The following ZNF430 variants were observed in gnomAD, a reference collection of about 807,000 sequenced individuals.
The protein encoded by ZNF430 is zinc finger protein 430.
Under a neutral mutation model 56.7 loss-of-function variants are expected in ZNF430, and 35 were observed. The observed-to-expected ratio is 0.62, with a 90% CI of 0.47 to 0.82. The LOEUF (loss-of-function observed/expected upper bound fraction) is 0.82, where lower values mean the gene tolerates loss of function less well. Ranked by LOEUF, ZNF430 falls within the 40% of genes least tolerant of loss-of-function variation. The probability of loss-of-function intolerance (pLI) is 0.00; values close to 1 mark genes in which losing one functional copy is unlikely to be tolerated. For synonymous variants in ZNF430, 212 were observed against 224.3 expected, an observed-to-expected ratio of 0.94 and a Z score of 0.49; for missense variants, 574 against 661.0, an observed-to-expected ratio of 0.87 and a Z score of 1.44.
At chr19:21,024,594 A>G (rs1331060660) in intron 2 of ZNF430, among the ~76,000 whole-genome samples, 1 of 152,014 alleles carries the variant, frequency 6.6e-6, no homozygotes. Flanking sequence ...CCTGGCTAAC[A>G]TGGTGAAACC....
intron 4 of ZNF430, among the ~76,000 whole-genome samples, chr19:21,051,522 C>T (rs1426377190): frequency 6.6e-6 from 1 of 152,180 alleles, no homozygotes; most frequent in Non-Finnish European, 1.5e-5. Flanking sequence ...TTGAGACAGT[C>T]TCACTTTGTC....
At position 21,056,790 on chromosome 19, in the gene ZNF430, G is replaced by T; in HGVS notation, c.482G>T (p.Cys161Phe). The change falls in exon 5 of 5, where the codon TGT becomes TTT. Residue 161 changes from cysteine (C) to phenylalanine (F), a missense_variant. Cys to Phe is a radical substitution (Grantham distance 205, BLOSUM62 -2). Transcript: ENST00000261560. ...GATGAGTGTAATCTGCACAAAGAAT[G>T]TTATGATGAACTAAACCAGTGTTTG... ...SVDECNLHKECYDELNQCLTT... is the reference protein window; with the variant it reads ...SVDECNLHKEFYDELNQCLTT... 6.2e-7 allele frequency: 1 copy of T among 1,613,946 alleles called. No homozygotes were observed. Among genetic ancestry groups the T allele is most frequent in the East Asian group, 2.2e-5 (1 of 44,836 alleles).
At chr19:21,039,065 T>C (rs1179704215) in intron 4 of ZNF430, among the ~76,000 whole-genome samples, 1 of 152,064 alleles carries the variant, frequency 6.6e-6, no homozygotes, top group African/African-American at 2.4e-5. Context: ...TTCTCCTGCC[T>C]CAGCCTCCTG....
chr19:21,025,640 G>C (rs964171835), intron 2 of ZNF430, among the ~76,000 whole-genome samples: 1 of 151,796 alleles, frequency 6.6e-6, no homozygotes, highest in Non-Finnish European at 1.5e-5. Context: ...AGGCTGGAGT[G>C]CAACGGCATC....
chr19:21,025,474 T>C (rs1361186031), intron 2 of ZNF430, among the ~76,000 whole-genome samples: 1 of 152,222 alleles, frequency 6.6e-6, no homozygotes, highest in Non-Finnish European at 1.5e-5. Flanking sequence ...TGTCTCATCC[T>C]GTGACTTAGA....
At chr19:21,022,921 A>C (rs1020474377) in intron 2 of ZNF430, 40 bp downstream of exon 2, 4 of 1,430,268 alleles carry the variant, frequency 2.8e-6, no homozygotes, top group Non-Finnish European at 3.9e-6. Flanking sequence ...CACCCAACCC[A>C]GCTTTCATTT....
intron 1 of ZNF430, among the ~76,000 whole-genome samples, 165 bp from the exon 2 acceptor site, chr19:21,022,624 G>A (rs927325675): frequency 6.6e-6 from 1 of 152,048 alleles, no homozygotes; most frequent in Non-Finnish European, 1.5e-5. Context: ...TTGGGTCAGG[G>A]TTTTCCTTTG....
intron 4 of ZNF430, among the ~76,000 whole-genome samples, chr19:21,050,815 G>A (rs974810839): frequency 6.6e-6 from 1 of 152,128 alleles, no homozygotes; most frequent in Non-Finnish European, 1.5e-5. Flanking sequence ...ATTGCCCGAG[G>A]TCAGGAGTTC....
intron 2 of ZNF430, among the ~76,000 whole-genome samples, chr19:21,028,385 C>G (rs1967842728): frequency 6.6e-6 from 1 of 152,182 alleles, no homozygotes; most frequent in Admixed American, 6.5e-5. Context: ...AAATGTGATA[C>G]TGGAGTAGAG....
At chr19:21,023,523 G>A (rs953920103) in intron 2 of ZNF430, among the ~76,000 whole-genome samples, 1 of 152,154 alleles carries the variant, frequency 6.6e-6, no homozygotes, top group Non-Finnish European at 1.5e-5. Context: ...TACCCCCAGG[G>A]TGAGTTTAGG....
chr19:21,043,161 T>C (rs1364108419), intron 4 of ZNF430, among the ~76,000 whole-genome samples: 1 of 152,216 alleles, frequency 6.6e-6, no homozygotes, highest in Admixed American at 6.5e-5. Context: ...TTGTTGCAGT[T>C]GCTTTTGACG....
At chr19:21,034,042 C>G (rs753787136) in intron 3 of ZNF430, 44 bp from the exon 4 acceptor site, 2 of 1,501,792 alleles carry the variant, frequency 1.3e-6, no homozygotes, top group South Asian at 1.1e-5. Context: ...AGGTTGGTAA[C>G]TGAAGAATAT....
At chr19:21,049,173 CAAAAAAAAAAAA>C (rs746043747) in intron 4 of ZNF430, among the ~76,000 whole-genome samples, 1 of 65,256 alleles carries the variant, frequency 1.5e-5, no homozygotes, top group Non-Finnish European at 2.5e-5. Flanking sequence ...GACTCCATCT[CAAAAAAAAAAAA>C]AAAAAAAAAA....
In ZNF430 at chr19:21,022,647, G is replaced by A. The variant is rs1376493590; in HGVS notation, c.4-142G>A. ...GGGTTTTCCTTTGGAAACTTTATGG[G>A]GTGTTGTGTCCTCAGTCACCCTTCA... is the stretch of plus-strand genomic sequence containing the variant. On this transcript the variant is annotated intron_variant, in intron 1 of 4. Coordinates refer to ENST00000261560, the MANE Select transcript of ZNF430 (RefSeq NM_025189.4). 2.4e-5 allele frequency: 16 copies of A among 665,606 alleles called. No homozygotes were observed. The East Asian group carries it at 4.1e-4, about 17-fold the overall frequency. The allele number at this position is 665,606 out of a possible 1,614,324, so 41.2% of individuals were successfully genotyped here.
chr19:21,039,006 A>G (rs980278712), intron 4 of ZNF430, among the ~76,000 whole-genome samples: 10 of 152,010 alleles, frequency 6.6e-5, no homozygotes, highest in Non-Finnish European at 1.5e-4. Context: ...CTGGAGTGCA[A>G]TGGCATGGTC....
chr19:21,033,734 G>T (rs551866686), intron 3 of ZNF430, 152 bp downstream of exon 3: 9 of 919,744 alleles, frequency 9.8e-6, no homozygotes, highest in South Asian at 6.3e-5. Context: ...ATATAGGAAA[G>T]AATTTTTTCA....
intron 4 of ZNF430, among the ~76,000 whole-genome samples, chr19:21,052,756 T>G (rs112382176): frequency 1.3e-5 from 2 of 152,174 alleles, no homozygotes; most frequent in African/African-American, 4.8e-5. Flanking sequence ...TAGCTGAGTC[T>G]TGTAGAAAGG....
intron 4 of ZNF430, among the ~76,000 whole-genome samples, chr19:21,038,668 A>G (rs1224344298): frequency 5.9e-5 from 9 of 151,934 alleles, no homozygotes; most frequent in Admixed American, 3.9e-4. Context: ...AGCTCAGGTG[A>G]TCCCCCACCC....
At chr19:21,026,830 T>TC (rs1967808180) in intron 2 of ZNF430, among the ~76,000 whole-genome samples, 1 of 77,496 alleles carries the variant, frequency 1.3e-5, no homozygotes, top group Admixed American at 1.2e-4. Flanking sequence ...TTCTTTTCTT[T>TC]TTTTTTTTTT....
Sources: allele counts gnomAD v4.1 joint callset (sites outside exome capture counted in the v4.1 genomes callset), GRCh38; gene constraint gnomAD v4.1.1; transcripts MANE v1.5; gene names NCBI Gene and HGNC (gene_info 2026-07-23, HGNC 2026-07-21).